The following MAD1L1 variants were observed in gnomAD, a reference collection of about 807,000 sequenced individuals.
The protein encoded by MAD1L1 is mitotic arrest deficient 1 like 1.
Under a neutral mutation model 96.9 loss-of-function variants are expected in MAD1L1, and 95 were observed. The ratio of observed to expected loss-of-function variants is 0.98; its 90% CI spans 0.83 to 1.16. MAD1L1 has a LOEUF of 1.16. MAD1L1 is among the 50% of genes most tolerant of loss of function. The probability of loss-of-function intolerance (pLI) is 0.00; values close to 1 mark genes in which losing one functional copy is unlikely to be tolerated. For synonymous variants in MAD1L1, 473 were observed against 396.6 expected (o/e 1.19, Z -2.29); for missense variants, 1,007 against 954.4 (o/e 1.06, Z -0.73).
intron 18 of MAD1L1, among the ~76,000 whole-genome samples, chr7:1,836,394 T>TC (rs1181981046): frequency 6.6e-6 from 1 of 152,202 alleles, no homozygotes; most frequent in Non-Finnish European, 1.5e-5. Flanking sequence ...ACCTGTTTTA[T>TC]CAGCCAAGTC....
At chr7:2,083,055 C>G (rs1033709340) in intron 11 of MAD1L1, among the ~76,000 whole-genome samples, 208 of 152,336 alleles carry the variant, frequency 1.4e-3, no homozygotes, top group African/African-American at 4.7e-3. Context: ...AGAGCCGTCC[C>G]TCCCTGCGCG....
At chr7:1,834,027 C>T (rs762914882) in intron 18 of MAD1L1, among the ~76,000 whole-genome samples, 5 of 152,112 alleles carry the variant, frequency 3.3e-5, no homozygotes, top group Non-Finnish European at 5.9e-5. Context: ...AGTAACAGAA[C>T]GGCATCTGGA....
chr7:2,040,962 T>G (rs1279865209), intron 12 of MAD1L1, among the ~76,000 whole-genome samples: 1 of 152,232 alleles, frequency 6.6e-6, no homozygotes, highest in Non-Finnish European at 1.5e-5. Flanking sequence ...CTGAGAAGCC[T>G]GGCTTCACAA....
At chr7:2,229,303 C>G (rs539647288) in intron 3 of MAD1L1, among the ~76,000 whole-genome samples, 23 of 152,290 alleles carry the variant, frequency 1.5e-4, no homozygotes, top group African/African-American at 5.1e-4. Context: ...CAGCACTCCA[C>G]TCCCCACCAC....
chr7:2,130,022 A>G (rs1351516658), intron 11 of MAD1L1, among the ~76,000 whole-genome samples: 1 of 152,210 alleles, frequency 6.6e-6, no homozygotes, highest in Non-Finnish European at 1.5e-5. Context: ...GGTTAAAAGC[A>G]CCTGGGCAGG....
chr7:2,113,430 AT>A (rs1437746331), intron 11 of MAD1L1, among the ~76,000 whole-genome samples: 1 of 152,094 alleles, frequency 6.6e-6, no homozygotes, highest in Non-Finnish European at 1.5e-5. Context: ...AAATACAAAA[AT>A]TAGCCAGGCG....
intron 14 of MAD1L1, among the ~76,000 whole-genome samples, chr7:1,983,721 G>C (rs1260895097): frequency 6.6e-6 from 1 of 152,216 alleles, no homozygotes; most frequent in South Asian, 2.1e-4. Context: ...TCAGGACACA[G>C]AATTCTCAGC....
intron 12 of MAD1L1, among the ~76,000 whole-genome samples, chr7:2,042,238 C>G (rs12673687): frequency 6.6e-6 from 1 of 150,832 alleles, no homozygotes; most frequent in Non-Finnish European, 1.5e-5. Context: ...CAAGCGCATG[C>G]GCACACGTAC....
chr7:1,945,143 G>T (rs374071917), intron 16 of MAD1L1, among the ~76,000 whole-genome samples: 2 of 152,174 alleles, frequency 1.3e-5, no homozygotes, highest in East Asian at 3.9e-4. Flanking sequence ...CTCGGCGCCC[G>T]CTCAGCAGGG....
Position 2,024,117 on chromosome 7 carries a change from A to T in MAD1L1, c.1219-9475T>A, listed in dbSNP as rs191952421. Among the ~76,000 whole-genome samples, 895 of 151,994 alleles carry T rather than the reference A, an allele frequency of 5.9e-3. 9 individuals carry two copies. Among genetic ancestry groups the T allele is most frequent in the African/African-American group, 0.02 (825 of 41,502 alleles). ...CCAGGTTAACCAACATTAAAAAAAA[A>T]AAATAAAAAAAAGGAAGACACAAAT... On this transcript the variant is annotated intron_variant, in intron 12 of 18. Coordinates refer to ENST00000265854, the MANE Select transcript of MAD1L1 (RefSeq NM_001013836.2).
At position 1,994,660 on chromosome 7, in the gene MAD1L1, G is replaced by T. The variant is rs148193945; in HGVS notation, c.1416+7405C>A. 3.7e-3 allele frequency among the ~76,000 whole-genome samples: 557 copies of T among 152,222 alleles called. 5 individuals are homozygous for T. Among genetic ancestry groups the T allele is most frequent in the Non-Finnish European group, 6.6e-3 (446 of 67,984 alleles). On this transcript the variant is annotated intron_variant, in intron 14 of 18. Transcript: ENST00000265854. ...GAGGCCACCGGGCGGAGCCTCGGGG[G>T]GGGGATTAGCACCCTCATAAAAGGG...
Position 2,092,136 on chromosome 7 carries a change from T to C in MAD1L1, c.1074-22798A>G, listed in dbSNP as rs574187295. Among the ~76,000 whole-genome samples the C allele has an allele frequency of 2.0e-5, 3 of 152,358 alleles. 1 individual carries two copies. Among genetic ancestry groups the C allele is most frequent in the African/African-American group, 7.2e-5 (3 of 41,596 alleles). ...GTGAGAGTTCCTGTGGCTCCACGTC[T>C]CCACCAGCATTTAGTGCCGTCAGTG... On this transcript the variant is annotated intron_variant, in intron 11 of 18. Coordinates refer to ENST00000265854, the MANE Select transcript of MAD1L1 (RefSeq NM_001013836.2).
intron 11 of MAD1L1, among the ~76,000 whole-genome samples, chr7:2,108,863 G>C (rs185201063): frequency 6.6e-6 from 1 of 152,236 alleles, no homozygotes; most frequent in South Asian, 2.1e-4. Context: ...GAGCCGGCCC[G>C]ATCCACGATC....
intron 17 of MAD1L1, among the ~76,000 whole-genome samples, chr7:1,907,172 C>T (rs1238613887): frequency 1.3e-5 from 2 of 152,142 alleles, no homozygotes; most frequent in African/African-American, 4.8e-5. Context: ...ACGCCCCCAT[C>T]CCCACTATCT....
chr7:2,055,898 G>A (rs1228632231), intron 12 of MAD1L1, among the ~76,000 whole-genome samples: 2 of 152,198 alleles, frequency 1.3e-5, no homozygotes, highest in African/African-American at 4.8e-5. Flanking sequence ...AGAATCGCTT[G>A]AACCCAGGAG....
At chr7:2,190,487 G>A (rs1232396589) in intron 10 of MAD1L1, among the ~76,000 whole-genome samples, 1 of 152,096 alleles carries the variant, frequency 6.6e-6, no homozygotes, top group Non-Finnish European at 1.5e-5. Context: ...AAAATTAAAA[G>A]TTTTTACCCT....
At chr7:2,201,041 A>T (rs1792266766) in intron 10 of MAD1L1, among the ~76,000 whole-genome samples, 2 of 152,148 alleles carry the variant, frequency 1.3e-5, no homozygotes, top group South Asian at 4.1e-4. Flanking sequence ...CCTGACACAA[A>T]TGACAGCTAC....
At chr7:1,966,993 C>A (rs1780197794) in intron 15 of MAD1L1, among the ~76,000 whole-genome samples, 1 of 152,252 alleles carries the variant, frequency 6.6e-6, no homozygotes, top group Non-Finnish European at 1.5e-5. Flanking sequence ...GGAGCATCGA[C>A]AATGAAGGAG....
At chr7:2,081,479 C>A (rs3800885) in intron 11 of MAD1L1, among the ~76,000 whole-genome samples, 6,934 of 152,320 alleles carry the variant, frequency 0.046, 252 homozygotes, top group African/African-American at 0.095. Flanking sequence ...GGACACCAGC[C>A]TGTGGAGGGA....
Sources: allele counts gnomAD v4.1 joint callset (sites outside exome capture counted in the v4.1 genomes callset), GRCh38; gene constraint gnomAD v4.1.1; transcripts MANE v1.5; gene names NCBI Gene and HGNC (gene_info 2026-07-23, HGNC 2026-07-21).